AFG1L: variants seen among roughly 807,000 people sequenced by gnomAD.
AFG1L encodes the protein AFG1 like ATPase, also known as AFG1-like ATPase.
A neutral mutation model predicts 62.2 loss-of-function variants in AFG1L; 53 were observed. The observed-to-expected ratio is 0.85, with a 90% CI of 0.68 to 1.07. The LOEUF is 1.07. AFG1L is among the 50% of genes least tolerant of loss of function. The probability of loss-of-function intolerance (pLI) is 0.00; values close to 1 mark genes in which losing one functional copy is unlikely to be tolerated. For missense variants in AFG1L, 555 were observed against 590.5 expected (o/e 0.94, Z 0.62); for synonymous variants, 228 against 210.3 (o/e 1.08, Z -0.73).
intron 1 of AFG1L, among the ~76,000 whole-genome samples, chr6:108,316,898 C>T (rs1262599544): frequency 6.6e-6 from 1 of 152,136 alleles, no homozygotes; most frequent in African/African-American, 2.4e-5. Context: ...CATCCATCAC[C>T]TCAACTCCTT....
At chr6:108,338,200 A>G (rs970627131) in intron 2 of AFG1L, among the ~76,000 whole-genome samples, 1 of 152,122 alleles carries the variant, frequency 6.6e-6, no homozygotes, top group Non-Finnish European at 1.5e-5. Flanking sequence ...AAACAAAAGA[A>G]TCATTTTGGA....
At chr6:108,499,029 T>C (rs1182154638) in intron 10 of AFG1L, among the ~76,000 whole-genome samples, 1 of 151,840 alleles carries the variant, frequency 6.6e-6, no homozygotes, top group Non-Finnish European at 1.5e-5. Context: ...AAATAAAATG[T>C]TTTCAAATTT....
At chr6:108,478,361 C>T (rs1205265668) in intron 10 of AFG1L, among the ~76,000 whole-genome samples, 3 of 152,204 alleles carry the variant, frequency 2.0e-5, no homozygotes, top group Non-Finnish European at 4.4e-5. Flanking sequence ...GGCGTGAACC[C>T]GGGAGGCGGA....
At chr6:108,415,420 A>G (rs940473268) in intron 7 of AFG1L, among the ~76,000 whole-genome samples, 11 of 152,194 alleles carry the variant, frequency 7.2e-5, no homozygotes, top group African/African-American at 2.4e-4. Context: ...GGAAAAGACT[A>G]CTTTAAAGTT....
intron 10 of AFG1L, 32 bp downstream of exon 10, chr6:108,477,324 C>T (rs373436688): frequency 4.4e-5 from 57 of 1,297,520 alleles, no homozygotes; most frequent in Non-Finnish European, 5.2e-5. Flanking sequence ...GACTCACTGG[C>T]CTTTTCACAT....
chr6:108,371,994 GTAGTTCTCCCTCC>G (rs1780028685), intron 6 of AFG1L, among the ~76,000 whole-genome samples: 1 of 152,026 alleles, frequency 6.6e-6, no homozygotes, highest in African/African-American at 2.4e-5. Flanking sequence ...CTGGGCTCAA[GTAGTTCTCCCTCC>G]TAGTCCTCCC....
At chr6:108,330,452 G>C (rs1441605674) in intron 2 of AFG1L, among the ~76,000 whole-genome samples, 1 of 152,032 alleles carries the variant, frequency 6.6e-6, no homozygotes, top group Non-Finnish European at 1.5e-5. Context: ...GAGATTACAG[G>C]TGTGAGCCAC....
At chr6:108,431,443 A>G (rs2114713040) in intron 7 of AFG1L, among the ~76,000 whole-genome samples, 1 of 152,172 alleles carries the variant, frequency 6.6e-6, no homozygotes, top group Admixed American at 6.5e-5. Context: ...AAGATTACAA[A>G]TACTATATTT....
rs184719649 is a variant in AFG1L, at chr6:108,449,232, G to T, written c.890+1936G>T. 1.7e-4 allele frequency among the ~76,000 whole-genome samples: 25 copies of T among 150,004 alleles called. No individual in the cohort carries two copies. In the East Asian group the frequency reaches 4.9e-3, roughly 29 times the overall value. On this transcript the variant is annotated intron_variant, in intron 8 of 12. Transcript: ENST00000368977. Reference sequence around the variant, plus strand: ...ACACATATATATACACAGACATATAGATATATATAGATAGATAGATGTCTA... The same window carrying T: ...ACACATATATATACACAGACATATATATATATATAGATAGATAGATGTCTA...
At chr6:108,393,473 C>A (rs1015694872) in intron 6 of AFG1L, among the ~76,000 whole-genome samples, 4 of 151,916 alleles carry the variant, frequency 2.6e-5, no homozygotes, top group African/African-American at 9.7e-5. Flanking sequence ...ATATATATAT[C>A]CTTGTAAAGG....
chr6:108,357,459 T>C (rs1473214750), intron 5 of AFG1L, among the ~76,000 whole-genome samples: 1 of 152,186 alleles, frequency 6.6e-6, no homozygotes, highest in East Asian at 1.9e-4. Context: ...CCTATATGGC[T>C]TGCAAAGCCT....
chr6:108,502,344 T>G (rs1481317199), intron 10 of AFG1L, among the ~76,000 whole-genome samples: 1 of 152,206 alleles, frequency 6.6e-6, no homozygotes, highest in East Asian at 1.9e-4. Flanking sequence ...TAGCTGGGAT[T>G]ACAGACATGT....
rs1778884514 is a variant in AFG1L at position 108,346,925 on chromosome 6, A to G, written c.364-63A>G. 4.1e-6 allele frequency: 5 copies of G among 1,219,272 alleles called. No homozygotes were observed. The Admixed American group carries it at 6.8e-5, about 16-fold the overall frequency. The allele number at this position is 1,219,272 out of a possible 1,614,324, so 75.5% of individuals were successfully genotyped here. A position where few individuals can be genotyped will look rare whatever the true frequency, so the allele number is the denominator to read the frequency against. ...TGTATATAGGACAGTTAGGAAGACT[A>G]TGTATATGATTATATTTAATTATTT... On this transcript the variant is annotated intron_variant, in intron 2 of 12. Transcript: ENST00000368977.
At chr6:108,320,516 TGGTAGG>T (rs1777777068) in intron 1 of AFG1L, among the ~76,000 whole-genome samples, 1 of 152,170 alleles carries the variant, frequency 6.6e-6, no homozygotes, top group South Asian at 2.1e-4. Context: ...TGGATCCATT[TGGTAGG>T]GGTTGGAGTT....
chr6:108,462,091 T>A (rs1216071962), intron 8 of AFG1L, among the ~76,000 whole-genome samples: 1 of 151,354 alleles, frequency 6.6e-6, no homozygotes. Context: ...CAAGACTCCG[T>A]CTCAAAAAAA....
chr6:108,335,994 G>A (rs900057029), intron 2 of AFG1L, among the ~76,000 whole-genome samples: 8 of 152,198 alleles, frequency 5.3e-5, no homozygotes, highest in Non-Finnish European at 1.2e-4. Flanking sequence ...AACTGAGCAA[G>A]TTGGTGTATT....
chr6:108,513,673 C>T (rs1774758691), intron 11 of AFG1L, among the ~76,000 whole-genome samples: 1 of 152,184 alleles, frequency 6.6e-6, no homozygotes, highest in East Asian at 1.9e-4. Context: ...TCTCAGTAGA[C>T]TCCACCTCTG....
chr6:108,450,287 C>T (rs1023977752), intron 8 of AFG1L, among the ~76,000 whole-genome samples: 12 of 152,070 alleles, frequency 7.9e-5, no homozygotes, highest in African/African-American at 1.2e-4. Flanking sequence ...TTTTAATGAT[C>T]GCCATTCTAA....
intron 7 of AFG1L, among the ~76,000 whole-genome samples, chr6:108,436,584 T>C (rs1010388820): frequency 6.6e-6 from 1 of 152,270 alleles, no homozygotes. Flanking sequence ...AAGCTGTCAG[T>C]ACTGTGAAAA....
Sources: allele counts gnomAD v4.1 joint callset (sites outside exome capture counted in the v4.1 genomes callset), GRCh38; gene constraint gnomAD v4.1.1; transcripts MANE v1.5; gene names NCBI Gene and HGNC (gene_info 2026-07-23, HGNC 2026-07-21).